Variants in MROH1 observed in about 807,000 individuals in gnomAD.
MROH1 encodes the protein maestro heat-like repeat-containing protein family member 1.
In MROH1, 117 loss-of-function variants were observed where a neutral mutation model predicts 116.5. The ratio of observed to expected loss-of-function variants is 1.00; its 90% CI spans 0.86 to 1.17. The LOEUF is 1.17. Among genes scored for constraint, MROH1 ranks in the 50% most tolerant of loss-of-function variants. MROH1 has a pLI of 0.00. For missense variants in MROH1, 1,873 were observed against 1,338.5 expected, an observed-to-expected ratio of 1.40 and a Z score of -6.23; for synonymous variants, 921 against 583.9, an observed-to-expected ratio of 1.58 and a Z score of -8.32.
intron 35 of MROH1, among the ~76,000 whole-genome samples, chr8:144,256,429 AG>A (rs1227898468): frequency 7.1e-6 from 1 of 141,596 alleles, no homozygotes; most frequent in Non-Finnish European, 1.6e-5. Context: ...AGGACACACC[AG>A]GGGGACAGCC....
At chr8:144,234,498 GTTTTTTTTTTTTTTTTTTTTTT>G (rs1165164431) in intron 14 of MROH1, among the ~76,000 whole-genome samples, 1 of 18,090 alleles carries the variant, frequency 5.5e-5, no homozygotes, top group Non-Finnish European at 1.2e-4. Context: ...TTTCTTTTTC[GTTTTTTTTTTTTTTTTTTTTTT>G]TTTTTTTTTT....
At chr8:144,207,874 C>G (rs1035496370) in intron 12 of MROH1, among the ~76,000 whole-genome samples, 1 of 149,912 alleles carries the variant, frequency 6.7e-6, no homozygotes, top group Non-Finnish European at 1.5e-5. Context: ...AAATTTATGT[C>G]TGTGATTCAT....
intron 33 of MROH1, among the ~76,000 whole-genome samples, chr8:144,253,889 G>A (rs1441177598): frequency 6.6e-6 from 1 of 152,150 alleles, no homozygotes; most frequent in African/African-American, 2.4e-5. Context: ...CACCGCATCT[G>A]TCCAGGAAGC....
At chr8:144,258,232 C>A (rs1329173250) in intron 35 of MROH1, among the ~76,000 whole-genome samples, 1 of 152,212 alleles carries the variant, frequency 6.6e-6, no homozygotes, top group Non-Finnish European at 1.5e-5. Flanking sequence ...GCCCCCATTG[C>A]ACGCCCAGGG....
At position 144,168,392 on chromosome 8, in the gene MROH1, G is replaced by T; in HGVS notation, c.120G>T (p.Pro40=). Residue 40 remains proline (P), a synonymous_variant, in exon 4 of 44, where the codon CCG becomes CCT. Transcript: ENST00000326134. ...SALCSLGEAR[P]VETLRACEEY... is the part of the protein sequence containing the mutation. ...TGTGCTCCCTCGGGGAGGCGCGGCC[G>T]GTGGAGACGCTCCGTGCCTGCGAGG... 1.9e-6 allele frequency: 3 copies of T among 1,611,550 alleles called. No homozygotes were observed. Among genetic ancestry groups the T allele is most frequent in the Non-Finnish European group, 2.5e-6 (3 of 1,179,576 alleles).
chr8:144,239,220 C>A, intron 16 of MROH1, 41 bp downstream of exon 16: 2 of 748,918 alleles, frequency 2.7e-6, no homozygotes, highest in Non-Finnish European at 2.4e-6. Context: ...CTCCTGCCCC[C>A]ACTTCCCCAC....
chr8:144,260,009 G>A lies in MROH1; in HGVS notation c.4143G>A (p.Arg1381=), dbSNP rs1844700193. 5.5e-6 allele frequency: 4 copies of A among 730,504 alleles called. No homozygotes were observed. The highest frequency in any genetic ancestry group is 5.2e-5 in the East Asian group (2 of 38,416). 45.3% of individuals were successfully genotyped at this position (730,504 alleles called of 1,614,324 possible). ...AGGACACATGCGCCAGCGTGCGGAGGCTGGTGCTCCGCGGCCTGGCCAACC... is the reference window on the plus strand; with the variant it reads ...AGGACACATGCGCCAGCGTGCGGAGACTGGTGCTCCGCGGCCTGGCCAACC... ...RQKDTCASVR[R]LVLRGLANLA... Residue 1381 remains arginine, a synonymous_variant, in exon 38 of 44, where the codon AGG becomes AGA. Coordinates refer to ENST00000326134, the MANE Select transcript of MROH1 (RefSeq NM_032450.3).
chr8:144,168,277 C>T lies in MROH1; in HGVS notation c.23-18C>T, dbSNP rs1384160770. ...GGCGCTTGGGCCTGAGCATGCTAAC[C>T]AGGCTTTGTCGCTGCAGAGCTGGCC... On this transcript the variant is annotated intron_variant, in intron 3 of 43. Transcript: ENST00000326134. 5 of 1,579,616 alleles carry T rather than the reference C, an allele frequency of 3.2e-6. No homozygotes were observed. In the South Asian group the frequency reaches 3.4e-5, roughly 11 times the overall value.
chr8:144,181,858 G>T (rs555354935), intron 7 of MROH1, among the ~76,000 whole-genome samples: 3 of 152,252 alleles, frequency 2.0e-5, no homozygotes, highest in Non-Finnish European at 2.9e-5. Flanking sequence ...CCTCTGGGAA[G>T]TGGCCTGATC....
Position 144,261,807 on chromosome 8 carries a change from C to T in MROH1, c.*67C>T. The T allele has an allele frequency of 1.4e-6, 1 of 701,064 alleles. No homozygotes were observed. The highest frequency in any genetic ancestry group is 2.6e-6 in the Non-Finnish European group (1 of 384,706). 43.4% of individuals were successfully genotyped at this position (701,064 alleles called of 1,614,324 possible). ...CTGTGCCTGAGCTCCAAGACAGGGCCTCCTGAGGACCACAGCCTGGGCACA... is the reference window on the plus strand; with the variant it reads ...CTGTGCCTGAGCTCCAAGACAGGGCTTCCTGAGGACCACAGCCTGGGCACA... On this transcript the variant is annotated 3_prime_UTR_variant, in exon 44 of 44. Transcript: ENST00000326134.
intron 4 of MROH1, among the ~76,000 whole-genome samples, chr8:144,176,732 GGC>G (rs1824047634): frequency 3.0e-4 from 1 of 3,348 alleles, no homozygotes. Context: ...GGGAGGCTAA[GGC>G]AGGAGAATCA....
At chr8:144,260,596 C>T (rs1215441331) in intron 39 of MROH1, 81 bp from the exon 40 acceptor site, 5 of 765,998 alleles carry the variant, frequency 6.5e-6, no homozygotes, top group Admixed American at 3.4e-5. Flanking sequence ...GGCAAGGGCA[C>T]CCATCAATGG....
chr8:144,148,418 G>A (rs1458229996), intron 1 of MROH1, among the ~76,000 whole-genome samples: 2 of 151,912 alleles, frequency 1.3e-5, no homozygotes, highest in African/African-American at 4.8e-5. Context: ...GTGGTCCCCG[G>A]TGCCCGCCCC....
chr8:144,257,679 C>T (rs2129832726), intron 35 of MROH1, among the ~76,000 whole-genome samples: 1 of 152,362 alleles, frequency 6.6e-6, no homozygotes, highest in East Asian at 1.9e-4. Context: ...CACTTGTTCC[C>T]TGCTAGGCCC....
At position 144,255,045 on chromosome 8, in the gene MROH1, C is replaced by T. The variant is rs996942119; in HGVS notation, c.3594+67C>T. ...CCCCGCTTGCCTGGGTGCCCGGGGG[C>T]AGGCCTTTTGATGAGGTGGCCCGGA... On this transcript the variant is annotated intron_variant, in intron 34 of 43. Coordinates refer to ENST00000326134, the MANE Select transcript of MROH1 (RefSeq NM_032450.3). The T allele has an allele frequency of 5.5e-4, 381 of 687,798 alleles. 1 individual carries two copies. The East Asian group carries it at 6.7e-3, about 12-fold the overall frequency. 42.6% of individuals were successfully genotyped at this position (687,798 alleles called of 1,614,324 possible).
At chr8:144,208,009 G>A (rs1256409191) in intron 12 of MROH1, among the ~76,000 whole-genome samples, 4 of 150,488 alleles carry the variant, frequency 2.7e-5, no homozygotes, top group Admixed American at 6.6e-5. Context: ...GCAGTGGTGC[G>A]ATCTCAGCTC....
chr8:144,216,179 C>CAA (rs200027602), intron 12 of MROH1, among the ~76,000 whole-genome samples: 2 of 147,750 alleles, frequency 1.4e-5, no homozygotes, highest in African/African-American at 2.5e-5. Context: ...AACCCTGTCT[C>CAA]AAAAAAAACA....
At chr8:144,188,198 G>C (rs911444356) in intron 7 of MROH1, among the ~76,000 whole-genome samples, 2 of 152,170 alleles carry the variant, frequency 1.3e-5, no homozygotes, top group African/African-American at 4.8e-5. Context: ...TTCATCAGAA[G>C]ATCTGAAAAA....
At position 144,261,124 on chromosome 8, in the gene MROH1, T is replaced by C. The variant is rs2130117886; in HGVS notation, c.4682T>C (p.Phe1561Ser). The change falls in exon 42 of 44, where the codon TTC becomes TCC. Residue 1561 changes from phenylalanine to serine, a missense_variant. Physicochemically the swap from Phe to Ser is radical, Grantham distance 155 (BLOSUM62 -2). Coordinates refer to ENST00000326134, the MANE Select transcript of MROH1 (RefSeq NM_032450.3). The part of the protein sequence containing the change: ...NTTCKHLMHH[F>S]PDLLGRLLTT... ...CAGGCCTCTCCCCAGATGCACCATT[T>C]CCCAGACCTGCTGGGCCGTCTCCTG... 1.3e-6 allele frequency: 1 copy of C among 774,860 alleles called. No individual in the cohort carries two copies. The highest frequency in any genetic ancestry group is 2.4e-5 in the East Asian group (1 of 41,236). 48.0% of individuals were successfully genotyped at this position (774,860 alleles called of 1,614,324 possible). A position where few individuals can be genotyped will look rare whatever the true frequency, so the allele number is the denominator to read the frequency against.
Sources: allele counts gnomAD v4.1 joint callset (sites outside exome capture counted in the v4.1 genomes callset), GRCh38; gene constraint gnomAD v4.1.1; transcripts MANE v1.5; gene names NCBI Gene and HGNC (gene_info 2026-07-23, HGNC 2026-07-21).